Variants in ZNF385B observed in about 807,000 individuals in gnomAD.
ZNF385B encodes zinc finger protein 533.
A neutral mutation model predicts 39.2 loss-of-function variants in ZNF385B; 23 were observed. The ratio of observed to expected loss-of-function variants is 0.59; its 90% CI spans 0.42 to 0.83. ZNF385B has a LOEUF of 0.83. Ranked by LOEUF, ZNF385B falls within the 40% of genes least tolerant of loss-of-function variation. ZNF385B has a pLI of 0.00. For synonymous variants in ZNF385B, 205 were observed against 222.6 expected (o/e 0.92, Z 0.70); for missense variants, 552 against 598.9 (o/e 0.92, Z 0.82).
intron 1 of ZNF385B, among the ~76,000 whole-genome samples, chr2:179,826,073 T>A (rs1188164159): frequency 6.6e-6 from 1 of 152,046 alleles, no homozygotes; most frequent in African/African-American, 2.4e-5. Context: ...GACCAGCAAA[T>A]GAGAGCCTAA....
Position 179,839,394 on chromosome 2 carries a change from C to T in ZNF385B, c.-155+21707G>A, listed in dbSNP as rs1316835804. 6.6e-5 allele frequency among the ~76,000 whole-genome samples: 10 copies of T among 152,084 alleles called. 1 individual carries two copies. The highest frequency in any genetic ancestry group is 6.6e-4 in the Admixed American group (10 of 15,264). ...GTCAATGGATCACAAAAGAAATGAC[C>T]TTTCTGGGCCAGAAAAGGCATACTA... On this transcript the variant is annotated intron_variant, in intron 1 of 9. Coordinates refer to ENST00000410066, the MANE Select transcript of ZNF385B (RefSeq NM_152520.6).
intron 3 of ZNF385B, among the ~76,000 whole-genome samples, chr2:179,695,117 T>C (rs16866929): frequency 0.078 from 11,846 of 152,170 alleles, 535 homozygotes; most frequent in East Asian, 0.16. Flanking sequence ...CTTTTATATG[T>C]GGTTAATTTG....
chr2:179,741,679 T>A (rs772548095), intron 3 of ZNF385B, among the ~76,000 whole-genome samples: 4 of 152,072 alleles, frequency 2.6e-5, no homozygotes, highest in Non-Finnish European at 5.9e-5. Context: ...TTAAAAGAAT[T>A]CAATAAAAAT....
chr2:179,856,478 C>G (rs989960065), intron 1 of ZNF385B, among the ~76,000 whole-genome samples: 1 of 152,052 alleles, frequency 6.6e-6, no homozygotes, highest in African/African-American at 2.4e-5. Context: ...AACATCTCAC[C>G]CTAGCAATAA....
At chr2:179,501,932 C>T (rs143785962) in intron 5 of ZNF385B, among the ~76,000 whole-genome samples, 25 of 152,226 alleles carry the variant, frequency 1.6e-4, no homozygotes, top group Non-Finnish European at 2.9e-4. Flanking sequence ...ATAATTTATT[C>T]AATAATCCCT....
At chr2:179,839,485 A>T (rs962078397) in intron 1 of ZNF385B, among the ~76,000 whole-genome samples, 1 of 152,234 alleles carries the variant, frequency 6.6e-6, no homozygotes, top group African/African-American at 2.4e-5. Context: ...TTGAAATATG[A>T]GGTAAAACAT....
intron 3 of ZNF385B, among the ~76,000 whole-genome samples, chr2:179,685,552 T>C (rs1697857056): frequency 1.3e-5 from 2 of 152,158 alleles, no homozygotes; most frequent in Non-Finnish European, 2.9e-5. Context: ...GAAGGAGAAA[T>C]GGAAGTCAAT....
chr2:179,590,268 C>T (rs1182812797), intron 3 of ZNF385B, among the ~76,000 whole-genome samples: 2 of 152,114 alleles, frequency 1.3e-5, no homozygotes, highest in Non-Finnish European at 2.9e-5. Context: ...AGGGAGTGAA[C>T]CTCTTTGTGT....
chr2:179,851,597 T>C (rs776090218), intron 1 of ZNF385B, among the ~76,000 whole-genome samples: 1 of 152,232 alleles, frequency 6.6e-6, no homozygotes, highest in South Asian at 2.1e-4. Context: ...TGAGGTTTTA[T>C]AGATAACAAA....
intron 4 of ZNF385B, among the ~76,000 whole-genome samples, chr2:179,537,781 A>C (rs1164622308): frequency 6.6e-6 from 1 of 152,044 alleles, no homozygotes; most frequent in African/African-American, 2.4e-5. Context: ...AAAAAAATTA[A>C]TAGAAATGTA....
chr2:179,735,913 G>A (rs1251341881), intron 3 of ZNF385B, among the ~76,000 whole-genome samples: 1 of 148,934 alleles, frequency 6.7e-6, no homozygotes, highest in East Asian at 2.0e-4. Flanking sequence ...GGATAGCATT[G>A]GGAGATATAC....
intron 4 of ZNF385B, among the ~76,000 whole-genome samples, chr2:179,538,482 G>T (rs879597632): frequency 6.7e-6 from 1 of 150,342 alleles, no homozygotes; most frequent in Non-Finnish European, 1.5e-5. Flanking sequence ...ACTCTCTGAT[G>T]AATATATTAT....
At chr2:179,727,416 T>C (rs933834959) in intron 3 of ZNF385B, among the ~76,000 whole-genome samples, 19 of 152,028 alleles carry the variant, frequency 1.2e-4, no homozygotes, top group African/African-American at 4.6e-4. Context: ...TATCTTATAA[T>C]GACACACTTG....
intron 3 of ZNF385B, among the ~76,000 whole-genome samples, chr2:179,699,117 A>AAT (rs59977971): frequency 0.98 from 147,269 of 150,564 alleles, 72,107 homozygotes; most frequent in East Asian, 1. Flanking sequence ...TTTGTGTTAA[A>AAT]ATATATATAT....
intron 3 of ZNF385B, among the ~76,000 whole-genome samples, chr2:179,662,156 A>G (rs1694560425): frequency 6.6e-6 from 1 of 152,224 alleles, no homozygotes; most frequent in Non-Finnish European, 1.5e-5. Context: ...ATTGCATGAA[A>G]GGACAGGAGA....
In ZNF385B at chr2:179,572,117, G is replaced by C. The variant is rs184667331; in HGVS notation, c.299-27148C>G. Among the ~76,000 whole-genome samples the C allele has an allele frequency of 4.6e-5, 7 of 152,150 alleles. No individual in the cohort carries two copies. In the East Asian group the frequency reaches 1.4e-3, roughly 30 times the overall value. On this transcript the variant is annotated intron_variant, in intron 3 of 9. Coordinates refer to ENST00000410066, the MANE Select transcript of ZNF385B (RefSeq NM_152520.6). ...TACCTTCTTGTTGAACAGGACAGGA[G>C]GTGGGCCAGGAGCCACTTTGTGCTT...
intron 3 of ZNF385B, among the ~76,000 whole-genome samples, chr2:179,631,593 C>T: frequency 6.6e-6 from 1 of 152,142 alleles, no homozygotes; most frequent in East Asian, 1.9e-4. Flanking sequence ...CCCATTGATG[C>T]TATGAAGAAA....
intron 3 of ZNF385B, among the ~76,000 whole-genome samples, chr2:179,593,486 T>C (rs1487472823): frequency 6.6e-6 from 1 of 152,184 alleles, no homozygotes; most frequent in Non-Finnish European, 1.5e-5. Flanking sequence ...ATTGAACATA[T>C]CCTCTCATTT....
chr2:179,795,654 C>T (rs1333035270), intron 1 of ZNF385B, among the ~76,000 whole-genome samples: 1 of 151,852 alleles, frequency 6.6e-6, no homozygotes, highest in African/African-American at 2.4e-5. Context: ...TGAACCAACA[C>T]TTAAGAATTT....
Sources: gnomAD v4.1 joint callset for allele counts (sites outside exome capture counted in the v4.1 genomes callset) on GRCh38, gnomAD v4.1.1 for gene constraint, MANE v1.5 for transcripts, NCBI Gene and HGNC (gene_info 2026-07-23, HGNC 2026-07-21) for gene names.